The following SHANK2 variants were observed in gnomAD, a reference collection of about 807,000 sequenced individuals.
SHANK2 encodes SH3 and multiple ankyrin repeat domains 2, also known as SH3 and multiple ankyrin repeat domains protein 2.
SHANK2 carries 43 observed loss-of-function variants against 133.7 expected under a neutral mutation model. That is an observed-to-expected ratio of 0.32 (90% confidence interval 0.25 to 0.41). SHANK2 has a LOEUF of 0.41. Among genes scored for constraint, SHANK2 ranks in the 10% least tolerant of loss-of-function variants. The pLI is 1.00. For missense variants in SHANK2, 1,994 were observed against 2,235.8 expected (o/e 0.89, Z 2.18); for synonymous variants, 1,017 against 952.8 (o/e 1.07, Z -1.24).
chr11:70,770,509 G>A (rs187914616), intron 14 of SHANK2, among the ~76,000 whole-genome samples: 33 of 152,368 alleles, frequency 2.2e-4, no homozygotes, highest in African/African-American at 7.7e-4. Flanking sequence ...GCCTGGAGCG[G>A]CCAATGAGCC....
In SHANK2 at chr11:70,783,907, T is replaced by G. The variant is rs1947573516; in HGVS notation, c.1777+14536A>C. On this transcript the variant is annotated intron_variant, in intron 14 of 25. Transcript: ENST00000601538. ...AAGGGGGACTGCTGGATTCTGGGTC[T>G]GACCTGCAAGGTCATCTCCCAGATG... Among the ~76,000 whole-genome samples the G allele has an allele frequency of 3.3e-5, 5 of 152,216 alleles. No individual in the cohort carries two copies. In the South Asian group the frequency reaches 6.2e-4, roughly 19 times the overall value.
At chr11:71,101,837 G>T (rs1424868858) in intron 6 of SHANK2, among the ~76,000 whole-genome samples, 1 of 152,222 alleles carries the variant, frequency 6.6e-6, no homozygotes, top group African/African-American at 2.4e-5. Context: ...AGCTACAGCA[G>T]CAAGAAGGGG....
intron 2 of SHANK2, among the ~76,000 whole-genome samples, chr11:71,186,804 G>A (rs1312296374): frequency 6.6e-6 from 1 of 152,166 alleles, no homozygotes; most frequent in Non-Finnish European, 1.5e-5. Flanking sequence ...AAGGTTGTAG[G>A]AAACGTGTCC....
chr11:70,893,555 A>T (rs1292132730), intron 11 of SHANK2, among the ~76,000 whole-genome samples: 1 of 152,166 alleles, frequency 6.6e-6, no homozygotes. Context: ...TCTGCGGGAA[A>T]CTTTCAACAC....
intron 9 of SHANK2, among the ~76,000 whole-genome samples, chr11:71,067,999 C>T (rs1157377150): frequency 6.6e-6 from 1 of 152,010 alleles, no homozygotes; most frequent in Non-Finnish European, 1.5e-5. Context: ...CCATCACCAT[C>T]ATCACCATCC....
intron 1 of SHANK2, among the ~76,000 whole-genome samples, chr11:71,235,511 T>C (rs1241799535): frequency 5.9e-5 from 9 of 151,610 alleles, no homozygotes; most frequent in African/African-American, 2.2e-4. Context: ...GGAAAATCAC[T>C]TGAACCCAGG....
In SHANK2 at chr11:71,175,551, G is replaced by GGAGAGAGAGAGAGAGAGAGAGA. The variant is rs555218781; in HGVS notation, c.-12-28235_-12-28214dup. Among the ~76,000 whole-genome samples the GGAGAGAGAGAGAGAGAGAGAGA allele has an allele frequency of 2.5e-5, 1 of 40,652 alleles. No homozygotes were observed. The highest frequency in any genetic ancestry group is 5.1e-5 in the Non-Finnish European group (1 of 19,726). The allele number at this position is 40,652 out of a possible 152,430, so 26.7% of individuals were successfully genotyped here. On this transcript the variant is annotated intron_variant, in intron 2 of 25. Coordinates refer to ENST00000601538, the MANE Select transcript of SHANK2 (RefSeq NM_012309.5). The surrounding 1 kb of genome is among the most constrained non-coding windows in gnomAD (Gnocchi z 4.2). ...CAGACAGACAGAGGGAGAGGGAGAG[G>GGAGAGAGAGAGAGAGAGAGAGA]GAGAGAGAGAGAGAGAGAGAGAGAG...
chr11:71,092,495 C>G lies in SHANK2; in HGVS notation c.839G>C (p.Cys280Ser). ...GTGTTCGTGCAGGAGAAGCTCGCAG[C>G]AGTAGGGATCACCTCCGACGATGGC... is the stretch of plus-strand genomic sequence containing the variant. ...HTAIVGGDPY[C>S]CELLLHEHAT... is the part of the protein sequence containing the mutation. The change falls in exon 8 of 26, where the codon TGC becomes TCC. Residue 280 changes from cysteine (C) to serine (S), a missense_variant. Around this residue, in one of 5 missense-constraint regions of SHANK2, gnomAD observed 653 missense variants for 563.4 expected, o/e 1.16. Coordinates refer to ENST00000601538, the MANE Select transcript of SHANK2 (RefSeq NM_012309.5). The G allele has an allele frequency of 1.9e-6, 3 of 1,551,636 alleles. No homozygotes were observed. Among genetic ancestry groups the G allele is most frequent in the Non-Finnish European group, 2.6e-6 (3 of 1,147,000 alleles).
At chr11:70,927,813 A>T (rs1208034969) in intron 10 of SHANK2, among the ~76,000 whole-genome samples, 1 of 152,192 alleles carries the variant, frequency 6.6e-6, no homozygotes, top group Non-Finnish European at 1.5e-5. Context: ...TGCCCTCCCC[A>T]AAGTGGGTGG....
At chr11:70,798,216 CT>C (rs1408638469) in intron 14 of SHANK2, among the ~76,000 whole-genome samples, 1 of 152,138 alleles carries the variant, frequency 6.6e-6, no homozygotes, top group African/African-American at 2.4e-5. Flanking sequence ...ACTGAGCAGC[CT>C]TTTAACTAAA....
intron 22 of SHANK2, among the ~76,000 whole-genome samples, 179 bp downstream of exon 22, chr11:70,492,156 A>G (rs782675102): frequency 2.0e-5 from 3 of 152,180 alleles, no homozygotes; most frequent in Non-Finnish European, 4.4e-5. Flanking sequence ...GCTCTGTCCC[A>G]CCACTGTGAG....
chr11:70,822,301 A>C (rs1948540771), intron 11 of SHANK2, among the ~76,000 whole-genome samples: 1 of 152,272 alleles, frequency 6.6e-6, no homozygotes. Flanking sequence ...GCAAGAGAAA[A>C]CACGTGTCCT....
In SHANK2 at chr11:70,843,606, A is replaced by T. The variant is rs1273647211; in HGVS notation, c.1175-22924T>A. Among the ~76,000 whole-genome samples the T allele has an allele frequency of 7.2e-5, 11 of 151,826 alleles. 1 individual carries two copies. Among genetic ancestry groups the T allele is most frequent in the Admixed American group, 5.2e-4 (8 of 15,256 alleles). ...AGAGAGACGACCCTGTGAGGTCACA[A>T]GGAGAAGGCGGCACCTACAAGCCGC... On this transcript the variant is annotated intron_variant, in intron 11 of 25. Transcript: ENST00000601538.
chr11:71,158,133 G>A (rs1328494436), intron 2 of SHANK2, among the ~76,000 whole-genome samples: 9 of 152,074 alleles, frequency 5.9e-5, no homozygotes, highest in African/African-American at 2.2e-4. Flanking sequence ...ACAGATAACC[G>A]AATGCATTGT....
At position 71,175,556 on chromosome 11, in the gene SHANK2, GAGAGAGAGAGAGAGAGAGAGAGAGA is replaced by G. The variant is rs1953421305; in HGVS notation, c.-12-28243_-12-28219del. 1.7e-5 allele frequency among the ~76,000 whole-genome samples: 1 copy of G among 58,560 alleles called. No homozygotes were observed. The highest frequency in any genetic ancestry group is 3.1e-5 in the Non-Finnish European group (1 of 32,726). The allele number at this position is 58,560 out of a possible 152,430, so 38.4% of individuals were successfully genotyped here. On this transcript the variant is annotated intron_variant, in intron 2 of 25. Coordinates refer to ENST00000601538, the MANE Select transcript of SHANK2 (RefSeq NM_012309.5). This position sits in a 1 kb window ranked among gnomAD's most constrained non-coding sequence, Gnocchi z 4.2. ...AGACAGAGGGAGAGGGAGAGGGAGA[GAGAGAGAGAGAGAGAGAGAGAGAGA>G]GAGAGAGAGAGAGAGAGAGAGACAG...
chr11:71,097,774 G>A (rs1249488777), intron 6 of SHANK2, among the ~76,000 whole-genome samples: 1 of 152,244 alleles, frequency 6.6e-6, no homozygotes, highest in African/African-American at 2.4e-5. Flanking sequence ...GAGGCAGGAG[G>A]AGTGTAAGTG....
At chr11:70,763,476 A>G (rs540891343) in intron 14 of SHANK2, among the ~76,000 whole-genome samples, 3 of 152,142 alleles carry the variant, frequency 2.0e-5, no homozygotes, top group East Asian at 1.9e-4. Flanking sequence ...CAGAAGTTGG[A>G]CGTTCTCATG....
intron 11 of SHANK2, among the ~76,000 whole-genome samples, chr11:70,885,389 C>T (rs1340526068): frequency 3.9e-5 from 6 of 152,156 alleles, no homozygotes; most frequent in Admixed American, 1.3e-4. Context: ...CGGAAGGAGT[C>T]GATCTCTGTG....
In SHANK2 at chr11:70,486,728, G is replaced by A; in HGVS notation, c.3565C>T (p.Pro1189Ser). 6.2e-7 allele frequency: 1 copy of A among 1,610,334 alleles called. No individual in the cohort carries two copies. Among genetic ancestry groups the A allele is most frequent in the Non-Finnish European group, 8.5e-7 (1 of 1,179,942 alleles). The change falls in exon 25 of 26, where the codon CCC (proline) becomes TCC (serine). Residue 1189 changes from proline to serine, a missense_variant. Physicochemically the swap from Pro to Ser is moderately conservative, Grantham distance 74. Coordinates refer to ENST00000601538, the MANE Select transcript of SHANK2 (RefSeq NM_012309.5). The surrounding 1 kb of genome is among the most constrained non-coding windows in gnomAD (Gnocchi z 8.0). The stretch of plus-strand genomic sequence containing the variant: ...CCGGCTGTGCCGCTGCTCGCGGAGG[G>A]CACTGCTGGGCTGCTCTCGGGCCCC... The part of the protein sequence containing the change: ...AQGPESSPAV[P>S]SASSGTAGPG...
Sources: allele counts gnomAD v4.1 joint callset (sites outside exome capture counted in the v4.1 genomes callset), GRCh38; gene constraint gnomAD v4.1.1; regional missense constraint gnomAD v4.1.1; non-coding constraint Gnocchi (gnomAD v3.1); transcripts MANE v1.5; gene names NCBI Gene and HGNC (gene_info 2026-07-23, HGNC 2026-07-21).